The following LAMA2 variants were observed in gnomAD, a reference collection of about 807,000 sequenced individuals.
LAMA2 encodes the protein laminin subunit alpha 2.
A neutral mutation model predicts 364.8 loss-of-function variants in LAMA2; 269 were observed. The observed-to-expected ratio is 0.74, with a 90% CI of 0.67 to 0.82. The LOEUF is 0.82. Ranked by LOEUF, LAMA2 falls within the 40% of genes least tolerant of loss-of-function variation. The pLI is 0.00. For synonymous variants in LAMA2, 1,379 were observed against 1,370.6 expected, an observed-to-expected ratio of 1.01 and a Z score of -0.14; for missense variants, 3,807 against 3,873.2, an observed-to-expected ratio of 0.98 and a Z score of 0.45.
chr6:129,314,595 G>A, intron 23 of LAMA2, 60 bp from the exon 24 acceptor site: 1 of 1,535,956 alleles, frequency 6.5e-7, no homozygotes, highest in Non-Finnish European at 9.0e-7. Context: ...TGCATTCTCA[G>A]GGTGATTTCT....
chr6:129,088,553 C>T (rs994475726), intron 3 of LAMA2, among the ~76,000 whole-genome samples: 6 of 150,580 alleles, frequency 4.0e-5, no homozygotes, highest in East Asian at 2.0e-4. Context: ...CTGGACGGGG[C>T]GGCTGGCAGG....
At chr6:129,298,923 T>C (rs1172430899) in intron 21 of LAMA2, among the ~76,000 whole-genome samples, 1 of 152,122 alleles carries the variant, frequency 6.6e-6, no homozygotes. Context: ...TCTGTATAAC[T>C]TAAAAATTAT....
chr6:128,934,776 T>C (rs1779709508), intron 1 of LAMA2, among the ~76,000 whole-genome samples: 1 of 152,214 alleles, frequency 6.6e-6, no homozygotes. Flanking sequence ...CCCAAAGTGC[T>C]GGGATTACAG....
At chr6:129,240,873 G>A (rs1299192072) in intron 12 of LAMA2, among the ~76,000 whole-genome samples, 1 of 152,174 alleles carries the variant, frequency 6.6e-6, no homozygotes, top group Admixed American at 6.5e-5. Flanking sequence ...GTGTGTAAAT[G>A]TCTAAGTGAC....
intron 1 of LAMA2, among the ~76,000 whole-genome samples, chr6:129,017,567 A>G (rs1785158409): frequency 6.6e-6 from 1 of 151,988 alleles, no homozygotes; most frequent in African/African-American, 2.4e-5. Context: ...TATATATAAA[A>G]TGGTTTTTCA....
chr6:129,100,774 G>T (rs894615344), intron 4 of LAMA2, among the ~76,000 whole-genome samples: 2 of 152,194 alleles, frequency 1.3e-5, no homozygotes, highest in Non-Finnish European at 2.9e-5. Flanking sequence ...AGAAGACCTG[G>T]ATTCTGGTAC....
intron 27 of LAMA2, among the ~76,000 whole-genome samples, chr6:129,318,489 C>A (rs190741689): frequency 2.4e-4 from 36 of 152,082 alleles, no homozygotes; most frequent in Non-Finnish European, 4.4e-5. Flanking sequence ...TAAACACTTG[C>A]GGGTCTGTTA....
At chr6:129,434,583 TA>T (rs1352406051) in intron 41 of LAMA2, among the ~76,000 whole-genome samples, 3 of 152,130 alleles carry the variant, frequency 2.0e-5, no homozygotes, top group African/African-American at 7.2e-5. Context: ...AAATCACAAG[TA>T]AAAAAATTCA....
chr6:129,254,433 CA>C (rs1365783826), intron 14 of LAMA2, among the ~76,000 whole-genome samples: 1 of 152,198 alleles, frequency 6.6e-6, no homozygotes, highest in African/African-American at 2.4e-5. Context: ...CTGCCAGCTT[CA>C]AAAAGTCACC....
At chr6:129,104,083 G>A (rs1775681014) in intron 4 of LAMA2, among the ~76,000 whole-genome samples, 1 of 151,706 alleles carries the variant, frequency 6.6e-6, no homozygotes, top group South Asian at 2.1e-4. Context: ...AGAGTCCAGT[G>A]GCATGATTAT....
chr6:128,909,307 A>C (rs574407468), intron 1 of LAMA2, among the ~76,000 whole-genome samples: 7 of 152,076 alleles, frequency 4.6e-5, no homozygotes, highest in African/African-American at 1.7e-4. Context: ...TTGCTTTATG[A>C]ATCTGGGTGC....
At chr6:129,175,264 C>A (rs1021252687) in intron 9 of LAMA2, among the ~76,000 whole-genome samples, 1 of 152,170 alleles carries the variant, frequency 6.6e-6, no homozygotes, top group Non-Finnish European at 1.5e-5. Flanking sequence ...AGACACCCAC[C>A]AGTTGTGCTC....
chr6:129,145,077 A>G (rs572559280), intron 5 of LAMA2, among the ~76,000 whole-genome samples: 15 of 152,044 alleles, frequency 9.9e-5, no homozygotes, highest in Non-Finnish European at 1.3e-4. Context: ...CTGTATGACT[A>G]GAGGTATAGC....
intron 4 of LAMA2, among the ~76,000 whole-genome samples, chr6:129,128,971 A>T (rs1777288017): frequency 6.6e-6 from 1 of 152,188 alleles, no homozygotes; most frequent in African/African-American, 2.4e-5. Flanking sequence ...TTAAAAGTTT[A>T]ATATTTCCCA....
At chr6:128,911,991 C>T (rs1402404836) in intron 1 of LAMA2, among the ~76,000 whole-genome samples, 4 of 152,160 alleles carry the variant, frequency 2.6e-5, no homozygotes, top group Non-Finnish European at 4.4e-5. Flanking sequence ...TCCTTTTAAT[C>T]GCTAACATTT....
At chr6:129,113,550 A>G (rs1261134503) in intron 4 of LAMA2, among the ~76,000 whole-genome samples, 1 of 152,010 alleles carries the variant, frequency 6.6e-6, no homozygotes, top group Non-Finnish European at 1.5e-5. Flanking sequence ...ACCCTCTACT[A>G]GTTAATTCCA....
intron 1 of LAMA2, among the ~76,000 whole-genome samples, chr6:129,048,626 C>T (rs1461039980): frequency 1.1e-5 from 1 of 94,980 alleles, no homozygotes; most frequent in African/African-American, 3.7e-5. Context: ...CTCTCTCTCT[C>T]TCTTTCTTGA....
chr6:128,994,418 G>A (rs547814177), intron 1 of LAMA2, among the ~76,000 whole-genome samples: 21 of 152,192 alleles, frequency 1.4e-4, no homozygotes, highest in Non-Finnish European at 2.6e-4. Context: ...GATAGAATCT[G>A]ATACAGTTAG....
intron 9 of LAMA2, among the ~76,000 whole-genome samples, chr6:129,173,962 A>T (rs570139599): frequency 1.3e-5 from 2 of 152,268 alleles, no homozygotes; most frequent in South Asian, 4.1e-4. Flanking sequence ...CAGTGATAGT[A>T]TATCATTTTT....
Sources: allele counts gnomAD v4.1 joint callset (sites outside exome capture counted in the v4.1 genomes callset), GRCh38; gene constraint gnomAD v4.1.1; transcripts MANE v1.5; gene names NCBI Gene and HGNC (gene_info 2026-07-23, HGNC 2026-07-21).